The following TRIML1 variants were observed in gnomAD, a reference collection of about 807,000 sequenced individuals.
TRIML1 encodes the protein probable E3 ubiquitin-protein ligase TRIML1.
TRIML1 carries 34 observed loss-of-function variants against 32.3 expected under a neutral mutation model. The observed-to-expected ratio is 1.05, with a 90% CI of 0.80 to 1.40. The LOEUF is 1.40. Ranked by LOEUF, TRIML1 falls within the 40% of genes most tolerant of loss-of-function variation. The pLI is 0.00. For missense variants in TRIML1, 595 were observed against 574.9 expected (o/e 1.03, Z -0.36); for synonymous variants, 244 against 226.6 (o/e 1.08, Z -0.69).
intron 5 of TRIML1, among the ~76,000 whole-genome samples, chr4:188,145,643 T>C (rs1028119632): frequency 1.9e-4 from 29 of 151,582 alleles, no homozygotes; most frequent in Middle Eastern, 6.8e-3. Flanking sequence ...GCCAGCATGA[T>C]GAAACCCCAT....
downstream of TRIML1, among the ~76,000 whole-genome samples, chr4:188,148,121 C>T (rs569028743): frequency 2.0e-5 from 3 of 152,090 alleles, no homozygotes; most frequent in Non-Finnish European, 4.4e-5. Flanking sequence ...AGGTTCTTTT[C>T]GGTGCTTTTG....
chr4:188,139,972 A>G lies in TRIML1; in HGVS notation c.408+6A>G, dbSNP rs1313777204. On this transcript the variant is annotated splice_donor_region_variant and intron_variant, in intron 1 of 5. Coordinates refer to ENST00000332517, the MANE Select transcript of TRIML1 (RefSeq NM_178556.5). ...AGGCTGAGGAGCATCACAGAGTAAG[A>G]CAGCTGCTCAGCATGAACCCCACGA... is the stretch of plus-strand genomic sequence containing the variant. 2.5e-6 allele frequency: 4 copies of G among 1,593,272 alleles called. No individual in the cohort carries two copies. Among genetic ancestry groups the G allele is most frequent in the Non-Finnish European group, 3.4e-6 (4 of 1,167,482 alleles).
chr4:188,139,744 C>A lies in TRIML1; in HGVS notation c.186C>A (p.Gly62=), dbSNP rs1235347825. ...SCPECWRTLE[G]PHFQSNERLG... is the part of the protein sequence containing the mutation. ...CTGAGTGCTGGAGGACCTTGGAGGG[C>A]CCGCATTTCCAGTCAAACGAGCGTC... The change falls in exon 1 of 6, where the codon GGC becomes GGA. Residue 62 remains glycine (G), a synonymous_variant. Coordinates refer to ENST00000332517, the MANE Select transcript of TRIML1 (RefSeq NM_178556.5). 1 of 1,613,898 alleles carries A rather than the reference C, an allele frequency of 6.2e-7. No homozygotes were observed. Among genetic ancestry groups the A allele is most frequent in the Non-Finnish European group, 8.5e-7 (1 of 1,179,972 alleles).
Position 188,143,874 on chromosome 4 carries a change from C to T in TRIML1, c.758+14C>T, listed in dbSNP as rs759377809. On this transcript the variant is annotated intron_variant, in intron 4 of 5. Coordinates refer to ENST00000332517, the MANE Select transcript of TRIML1 (RefSeq NM_178556.5). ...AGCCCTGGAAAGGTAGGCTTTCATT[C>T]TGTGTTCAGTTATGCAAGCTGCGGG... The T allele has an allele frequency of 2.5e-6, 4 of 1,614,026 alleles. No homozygotes were observed. The African/African-American group carries it at 5.3e-5, about 22-fold the overall frequency.
upstream of TRIML1, among the ~76,000 whole-genome samples, chr4:188,137,916 C>CTTTTTTTTT (rs1298700958): frequency 3.0e-5 from 4 of 131,518 alleles, 2 homozygotes; most frequent in Non-Finnish European, 3.2e-5. Context: ...CCTGGCCAAA[C>CTTTTTTTTT]TTTTTTTCTT....
downstream of TRIML1, among the ~76,000 whole-genome samples, chr4:188,150,178 T>G (rs1360886281): frequency 6.6e-6 from 1 of 151,176 alleles, no homozygotes; most frequent in Non-Finnish European, 1.5e-5. Context: ...CAGCCTGGAG[T>G]GAAGTGGCAT....
At chr4:188,139,263 G>A (rs1301645721), upstream of TRIML1, among the ~76,000 whole-genome samples, 1 of 116,988 alleles carries the variant, frequency 8.5e-6, no homozygotes, top group Non-Finnish European at 1.8e-5. Flanking sequence ...TGGTAATCCT[G>A]TTAGAAGCCA....
Position 188,142,304 on chromosome 4 carries a change from A to C in TRIML1, c.557A>C (p.His186Pro), listed in dbSNP as rs909413194. 6 of 1,613,046 alleles carry C rather than the reference A, an allele frequency of 3.7e-6. No individual in the cohort carries two copies. The highest frequency in any genetic ancestry group is 5.1e-6 in the Non-Finnish European group (6 of 1,179,854). Residue 186 changes from histidine to proline, a missense_variant, in exon 3 of 6, where the codon CAC becomes CCC. Transcript: ENST00000332517. ...GTTGTGTCAGAATACATGAAAATGC[A>C]CCAGTTCCTGAAGGAAGAGGAGCAG... ...QVVVSEYMKM[H>P]QFLKEEEQLQ... is the part of the protein sequence containing the mutation.
At chr4:188,143,065 T>A (rs1734923777) in intron 3 of TRIML1, 1 of 152,162 alleles carries the variant, frequency 6.6e-6, no homozygotes, top group African/African-American at 2.4e-5. Context: ...GACCTTTTTT[T>A]TTTTTTTTGA....
intron 3 of TRIML1, chr4:188,143,454 C>G (rs1276613192): frequency 1.9e-5 from 5 of 266,912 alleles, no homozygotes; most frequent in Admixed American, 4.9e-5. Context: ...TAGTGCCTTC[C>G]AAACACACCA....
rs769092925 is a variant in TRIML1 at position 188,139,698 on chromosome 4, A to T, written c.140A>T (p.His47Leu). Residue 47 changes from histidine (H) to leucine (L), a missense_variant, in exon 1 of 6, where the codon CAT becomes CTT. His to Leu is a moderately conservative substitution (Grantham distance 99). Coordinates refer to ENST00000332517, the MANE Select transcript of TRIML1 (RefSeq NM_178556.5). The stretch of plus-strand genomic sequence containing the variant: ...TGTCTCCTCAGGAGCTGGGAGGAAC[A>T]TAACACACCTTTATCTTGTCCTGAG... ...LVCLLRSWEEHNTPLSCPECW... is the reference protein window; with the variant it reads ...LVCLLRSWEELNTPLSCPECW... 1 of 1,614,088 alleles carries T rather than the reference A, an allele frequency of 6.2e-7. No homozygotes were observed. Among genetic ancestry groups the T allele is most frequent in the Non-Finnish European group, 8.5e-7 (1 of 1,180,024 alleles).
At chr4:188,141,173 T>TTTTTTGTTTTTTG (rs1560970508) in intron 2 of TRIML1, among the ~76,000 whole-genome samples, 6 of 148,292 alleles carry the variant, frequency 4.0e-5, no homozygotes. Context: ...CTGTTTTTTT[T>TTTTTTGTTTTTTG]TTTTTTTTTT....
At chr4:188,149,184 G>T (rs896556318), downstream of TRIML1, among the ~76,000 whole-genome samples, 7 of 151,886 alleles carry the variant, frequency 4.6e-5, no homozygotes, top group African/African-American at 1.7e-4. Flanking sequence ...CTCCCAAAGT[G>T]CTGGGATTCC....
At chr4:188,145,952 C>T (rs986291961) in intron 5 of TRIML1, among the ~76,000 whole-genome samples, 1 of 152,128 alleles carries the variant, frequency 6.6e-6, no homozygotes, top group African/African-American at 2.4e-5. Flanking sequence ...ATGAAAAAGG[C>T]TGATTAGGGA....
Position 188,140,596 on chromosome 4 carries a change from T to C in TRIML1, c.477T>C (p.His159=), listed in dbSNP as rs1214554421. The change falls in exon 2 of 6, where the codon CAT becomes CAC. Residue 159 remains histidine (H), a synonymous_variant. Transcript: ENST00000332517. ...AGGAAGCTCAGGCTGTACTAACCCA[T>C]GAGAAGGAGAGAGTGAAACTGTGCC... ...RRKEAQAVLT[H]EKERVKLCQE... 8.1e-6 allele frequency: 13 copies of C among 1,612,968 alleles called. No individual in the cohort carries two copies. Among genetic ancestry groups the C allele is most frequent in the Non-Finnish European group, 1.1e-5 (13 of 1,179,220 alleles).
intron 5 of TRIML1, among the ~76,000 whole-genome samples, chr4:188,145,884 T>C (rs1440926631): frequency 6.6e-6 from 1 of 152,062 alleles, no homozygotes; most frequent in African/African-American, 2.4e-5. Flanking sequence ...GTGTGCTTCA[T>C]CACATGGTCC....
intron 3 of TRIML1, chr4:188,143,058 C>CTT (rs34776156): frequency 0.22 from 30,431 of 140,398 alleles, 3,636 homozygotes; most frequent in Middle Eastern, 0.31. Flanking sequence ...TCTTCAGGAC[C>CTT]TTTTTTTTTT....
upstream of TRIML1, among the ~76,000 whole-genome samples, chr4:188,137,548 C>G (rs1311326262): frequency 1.3e-5 from 2 of 149,858 alleles, no homozygotes; most frequent in Non-Finnish European, 3.0e-5. Flanking sequence ...CGTGATCTCA[C>G]CTCACTGCAA....
chr4:188,148,620 T>G (rs1335276398), downstream of TRIML1, among the ~76,000 whole-genome samples: 6 of 151,926 alleles, frequency 3.9e-5, no homozygotes, highest in Admixed American at 2.0e-4. Context: ...TTGTTTGTTT[T>G]AAGATGCAAT....
Sources: gnomAD v4.1 joint callset for allele counts (sites outside exome capture counted in the v4.1 genomes callset) on GRCh38, gnomAD v4.1.1 for gene constraint, MANE v1.5 for transcripts, NCBI Gene and HGNC (gene_info 2026-07-23, HGNC 2026-07-21) for gene names.